SHC3: variants seen among roughly 807,000 people sequenced by gnomAD.
The protein encoded by SHC3 is SHC adaptor protein 3, also known as SHC-transforming protein 3.
A neutral mutation model predicts 60.4 loss-of-function variants in SHC3; 15 were observed. The observed-to-expected ratio is 0.25, with a 90% confidence interval of 0.17 to 0.38. The LOEUF is 0.38. Ranked by LOEUF, SHC3 falls within the 10% of genes least tolerant of loss-of-function variation. The pLI is 1.00. For synonymous variants in SHC3, 294 were observed against 325.9 expected, an observed-to-expected ratio of 0.90 and a Z score of 1.05; for missense variants, 677 against 786.1, an observed-to-expected ratio of 0.86 and a Z score of 1.66.
intron 6 of SHC3, 54 bp downstream of exon 6, chr9:89,065,475 T>A: frequency 6.3e-7 from 1 of 1,578,840 alleles, no homozygotes; most frequent in Non-Finnish European, 8.7e-7. Context: ...TTGTATAGAA[T>A]GTGAAGCCTG....
intron 1 of SHC3, among the ~76,000 whole-genome samples, chr9:89,164,585 A>G (rs1180028157): frequency 6.6e-6 from 1 of 152,102 alleles, no homozygotes; most frequent in African/African-American, 2.4e-5. Context: ...TCTGTAAGCA[A>G]GGCAAGCAAG....
intron 11 of SHC3, among the ~76,000 whole-genome samples, chr9:89,034,644 G>A (rs765990393): frequency 7.1e-4 from 108 of 152,248 alleles, no homozygotes; most frequent in Non-Finnish European, 9.6e-4. Context: ...AGCAAAAATC[G>A]TCAAGAAAAA....
chr9:89,162,722 C>A (rs903393105), intron 1 of SHC3, among the ~76,000 whole-genome samples: 1 of 150,594 alleles, frequency 6.6e-6, no homozygotes, highest in African/African-American at 2.5e-5. Flanking sequence ...GCAATGGCAA[C>A]AGAAGACAAA....
At chr9:89,066,275 T>A (rs1048630502) in intron 5 of SHC3, among the ~76,000 whole-genome samples, 1 of 152,182 alleles carries the variant, frequency 6.6e-6, no homozygotes, top group Non-Finnish European at 1.5e-5. Context: ...TGAGAACCAC[T>A]AGGCTAGAAG....
At chr9:89,069,852 A>G (rs1825241749) in intron 5 of SHC3, among the ~76,000 whole-genome samples, 4 of 152,236 alleles carry the variant, frequency 2.6e-5, no homozygotes, top group Admixed American at 2.6e-4. Flanking sequence ...AAGGCTCTGG[A>G]GTCTACCTTT....
In SHC3 at chr9:89,012,101, C is replaced by T. The variant is rs1256821909; in HGVS notation, c.*1346G>A. ...GGTGCTGTACCCTGTGGGGTCTCAC[C>T]AGAACAAGAGCCACGCTGCCAGCAA... On this transcript the variant is annotated 3_prime_UTR_variant, in exon 12 of 12. Transcript: ENST00000375835. 2.0e-5 allele frequency: 3 copies of T among 152,174 alleles called. No individual in the cohort carries two copies. Among genetic ancestry groups the T allele is most frequent in the African/African-American group, 7.2e-5 (3 of 41,416 alleles). The allele number at this position is 152,174 out of a possible 1,614,324, so 9.4% of individuals were successfully genotyped here.
In SHC3 at chr9:89,178,434, GCGGTT is replaced by G; in HGVS notation, c.22_26del (p.Asn8LeufsTer4). 1 of 1,507,280 alleles carries G rather than the reference GCGGTT, an allele frequency of 6.6e-7. No homozygotes were observed. The highest frequency in any genetic ancestry group is 8.9e-7 in the Non-Finnish European group (1 of 1,123,338). 93.4% of individuals were successfully genotyped at this position (1,507,280 alleles called of 1,614,324 possible). ...CCGATGTCACCGAGTCATTCCTGAA[GCGGTT>G]ATACTTGGTGCGTGGAAGCATGCCC... On this transcript the variant is annotated frameshift_variant, in exon 1 of 12. Transcript: ENST00000375835. LOFTEE classifies it high-confidence loss of function. This position sits in a 1 kb window ranked among gnomAD's most constrained non-coding sequence, Gnocchi z 6.9.
intron 2 of SHC3, among the ~76,000 whole-genome samples, chr9:89,091,472 C>T (rs575224897): frequency 6.6e-6 from 1 of 152,208 alleles, no homozygotes; most frequent in East Asian, 1.9e-4. Context: ...ACTAAAAATC[C>T]ATACATACAA....
At chr9:89,055,129 C>G (rs1207474767) in intron 6 of SHC3, among the ~76,000 whole-genome samples, 1 of 152,264 alleles carries the variant, frequency 6.6e-6, no homozygotes, top group Non-Finnish European at 1.5e-5. Context: ...CATATGGTAG[C>G]TCCTGGCATG....
chr9:89,086,527 C>A (rs772936760), intron 2 of SHC3, among the ~76,000 whole-genome samples: 4 of 152,188 alleles, frequency 2.6e-5, no homozygotes, highest in Admixed American at 6.5e-5. Context: ...CTAGAGAGGA[C>A]CCTCTGCATG....
rs1825944191 is a variant in SHC3 at position 89,006,588 on chromosome 9, CAGTA to C, written c.*6855_*6858del. 1 of 152,176 alleles carries C rather than the reference CAGTA, an allele frequency of 6.6e-6. No individual in the cohort carries two copies. Among genetic ancestry groups the C allele is most frequent in the South Asian group, 2.1e-4 (1 of 4,832 alleles). The allele number at this position is 152,176 out of a possible 1,614,324, so 9.4% of individuals were successfully genotyped here. A position where few individuals can be genotyped will look rare whatever the true frequency, so the allele number is the denominator to read the frequency against. The stretch of plus-strand genomic sequence containing the variant: ...CAACTTTCAGATAATATTCATTTGT[CAGTA>C]TGTATAATTTGCCATCCAAATGCTT... On this transcript the variant is annotated 3_prime_UTR_variant, in exon 12 of 12. Transcript: ENST00000375835.
intron 3 of SHC3, 108 bp downstream of exon 3, chr9:89,077,732 G>T: frequency 7.4e-7 from 1 of 1,344,314 alleles, no homozygotes; most frequent in Non-Finnish European, 1.1e-6. Flanking sequence ...GCAAGCGCCG[G>T]GCCACAGAAA....
chr9:89,019,429 G>GA (rs953152564), intron 11 of SHC3, among the ~76,000 whole-genome samples: 9 of 151,256 alleles, frequency 6.0e-5, no homozygotes, highest in South Asian at 4.2e-4. Flanking sequence ...AGATAGAAAA[G>GA]AAAAAAAAGG....
At position 89,046,813 on chromosome 9, in the gene SHC3, C is replaced by T. The variant is rs1328858987; in HGVS notation, c.1113+31G>A. On this transcript the variant is annotated intron_variant, in intron 8 of 11. Coordinates refer to ENST00000375835, the MANE Select transcript of SHC3 (RefSeq NM_016848.6). ...AAATAAAGTAGAGTTAGCCTCCATT[C>T]CTTATATAAGAAAAAAACTATAAGA... is the stretch of plus-strand genomic sequence containing the variant. 4.1e-6 allele frequency: 6 copies of T among 1,477,296 alleles called. No homozygotes were observed. The South Asian group carries it at 4.6e-5, about 11-fold the overall frequency. 91.5% of individuals were successfully genotyped at this position (1,477,296 alleles called of 1,614,324 possible). A position where few individuals can be genotyped will look rare whatever the true frequency, so the allele number is the denominator to read the frequency against.
chr9:89,118,220 A>ATTT (rs370492467), intron 1 of SHC3, among the ~76,000 whole-genome samples: 1 of 130,406 alleles, frequency 7.7e-6, no homozygotes, highest in Non-Finnish European at 1.7e-5. Flanking sequence ...GTCTCTACCT[A>ATTT]TTTTTTTTTT....
intron 11 of SHC3, chr9:89,037,490 G>A (rs1301451730): frequency 1.4e-6 from 1 of 714,564 alleles, no homozygotes; most frequent in Non-Finnish European, 2.6e-6. Context: ...TACAGCTGTA[G>A]TGCCAGGGAT....
At chr9:89,073,531 G>A (rs1825307825) in intron 4 of SHC3, among the ~76,000 whole-genome samples, 1 of 152,140 alleles carries the variant, frequency 6.6e-6, no homozygotes, top group African/African-American at 2.4e-5. Context: ...GGGAGAGTCA[G>A]AACCCTGTGT....
chr9:89,105,051 C>A (rs1825838002), intron 2 of SHC3, among the ~76,000 whole-genome samples: 1 of 152,164 alleles, frequency 6.6e-6, no homozygotes, highest in Non-Finnish European at 1.5e-5. Flanking sequence ...TTGCCCACTG[C>A]ATCCCAGCCG....
chr9:89,153,124 G>C (rs1215064464), intron 1 of SHC3, among the ~76,000 whole-genome samples: 2 of 152,204 alleles, frequency 1.3e-5, no homozygotes, highest in Admixed American at 6.5e-5. Context: ...TACTATGTAT[G>C]TTGTGCTCAG....
Sources: gnomAD v4.1 joint callset for allele counts (sites outside exome capture counted in the v4.1 genomes callset) on GRCh38, gnomAD v4.1.1 for gene constraint, Gnocchi (gnomAD v3.1) non-coding constraint, MANE v1.5 for transcripts, NCBI Gene and HGNC (gene_info 2026-07-23, HGNC 2026-07-21) for gene names.